KIRREL3: variants seen among roughly 807,000 people sequenced by gnomAD.
KIRREL3 encodes the protein kin of IRRE-like protein 3.
In KIRREL3, 36 loss-of-function variants were observed where a neutral mutation model predicts 89.7. That is an observed-to-expected ratio of 0.40 (90% confidence interval 0.31 to 0.53). The LOEUF (loss-of-function observed/expected upper bound fraction) is 0.53. Ranked by LOEUF, KIRREL3 falls within the 20% of genes least tolerant of loss-of-function variation. The pLI is 0.49. For synonymous variants in KIRREL3, 445 were observed against 441.4 expected (o/e 1.01, Z -0.10); for missense variants, 864 against 1,056.6 (o/e 0.82, Z 2.53).
intron 1 of KIRREL3, among the ~76,000 whole-genome samples, chr11:126,743,459 G>A (rs1165565739): frequency 6.6e-6 from 1 of 152,230 alleles, no homozygotes; most frequent in African/African-American, 2.4e-5. Flanking sequence ...TTTACTGCAT[G>A]TCTAGGAGAT....
intron 1 of KIRREL3, among the ~76,000 whole-genome samples, chr11:126,681,626 A>ACACC (rs751501249): frequency 2.1e-4 from 32 of 152,024 alleles, no homozygotes; most frequent in African/African-American, 7.2e-4. Flanking sequence ...ACACACACAC[A>ACACC]CCAGATCAAG....
At chr11:126,765,712 C>T (rs1029623823) in intron 1 of KIRREL3, among the ~76,000 whole-genome samples, 1 of 152,142 alleles carries the variant, frequency 6.6e-6, no homozygotes, top group Admixed American at 6.5e-5. Context: ...GAAGCAACCC[C>T]GCAACAAAGC....
chr11:126,728,398 C>T (rs751347648), intron 1 of KIRREL3, among the ~76,000 whole-genome samples: 7 of 152,146 alleles, frequency 4.6e-5, no homozygotes, highest in African/African-American at 7.2e-5. Flanking sequence ...CACCTCCCAC[C>T]GTGTTAAAGC....
rs1221829710 is a variant in KIRREL3, at chr11:126,622,907, G to A, written c.56-59995C>T. 2.6e-5 allele frequency among the ~76,000 whole-genome samples: 4 copies of A among 151,964 alleles called. No individual in the cohort carries two copies. Among genetic ancestry groups the A allele is most frequent in the African/African-American group, 9.7e-5 (4 of 41,360 alleles). On this transcript the variant is annotated intron_variant, in intron 1 of 16. Transcript: ENST00000525144. The surrounding 1 kb of genome is among the most constrained non-coding windows in gnomAD (Gnocchi z 5.2). ...TTATGAAAAGCAGATACTATCATTAGCTACATTTCATAATGAGGAAATGGA... is the reference window on the plus strand; with the variant it reads ...TTATGAAAAGCAGATACTATCATTAACTACATTTCATAATGAGGAAATGGA...
intron 1 of KIRREL3, among the ~76,000 whole-genome samples, chr11:126,660,476 C>T (rs549575731): frequency 1.1e-3 from 171 of 152,194 alleles, no homozygotes; most frequent in African/African-American, 3.8e-3. Context: ...TATTTTGGAT[C>T]GTCTGCACTG....
At position 126,970,042 on chromosome 11, in the gene KIRREL3, T is replaced by C. The variant is rs955075263; in HGVS notation, c.55+30413A>G. On this transcript the variant is annotated intron_variant, in intron 1 of 16. Transcript: ENST00000525144. The surrounding 1 kb of genome is among the most constrained non-coding windows in gnomAD (Gnocchi z 4.4). Reference sequence around the variant, plus strand: ...AAGAAAATCTGGCTAAAATTAGCCTTCTTCTACCAGTCACAGCCAAGCTGC... The same window carrying C: ...AAGAAAATCTGGCTAAAATTAGCCTCCTTCTACCAGTCACAGCCAAGCTGC... Among the ~76,000 whole-genome samples the C allele has an allele frequency of 1.3e-5, 2 of 152,208 alleles. No homozygotes were observed. The highest frequency in any genetic ancestry group is 4.8e-5 in the African/African-American group (2 of 41,446).
At chr11:126,907,594 A>G (rs2134881633) in intron 1 of KIRREL3, among the ~76,000 whole-genome samples, 1 of 152,300 alleles carries the variant, frequency 6.6e-6, no homozygotes, top group African/African-American at 2.4e-5. Flanking sequence ...CTCTTCTACC[A>G]TTTGCTCAAA....
Position 126,474,561 on chromosome 11 carries a change from G to C in KIRREL3, c.434-1095C>G, listed in dbSNP as rs374095292. Among the ~76,000 whole-genome samples the C allele has an allele frequency of 3.0e-4, 46 of 152,320 alleles. No homozygotes were observed. Among genetic ancestry groups the C allele is most frequent in the Non-Finnish European group, 5.3e-4 (36 of 68,004 alleles). Reference sequence around the variant, plus strand: ...CCTGAGCTCCTCACTCCTCCAGAGCGGCTCCAGCCCCTTCATCCCCAGAGG... The same window carrying C: ...CCTGAGCTCCTCACTCCTCCAGAGCCGCTCCAGCCCCTTCATCCCCAGAGG... On this transcript the variant is annotated intron_variant, in intron 4 of 16. Coordinates refer to ENST00000525144, the MANE Select transcript of KIRREL3 (RefSeq NM_032531.4). The surrounding 1 kb of genome is among the most constrained non-coding windows in gnomAD (Gnocchi z 6.7).
At chr11:126,907,743 C>G (rs1378667734) in intron 1 of KIRREL3, among the ~76,000 whole-genome samples, 1 of 152,128 alleles carries the variant, frequency 6.6e-6, no homozygotes, top group Non-Finnish European at 1.5e-5. Context: ...GAGATGGACA[C>G]GAAGTCAGCA....
chr11:126,638,040 C>T (rs1242043580), intron 1 of KIRREL3, among the ~76,000 whole-genome samples: 2 of 152,126 alleles, frequency 1.3e-5, no homozygotes, highest in Non-Finnish European at 2.9e-5. Context: ...CATTGGTATG[C>T]GTGTGGAACT....
rs1049017988 is a variant in KIRREL3 at position 126,795,431 on chromosome 11, G to A, written c.55+205024C>T. ...GTGACCCAGCCTGGAGTGCAGTGGC[G>A]TGATCTCTGCTCACTGCAACCTCCG... On this transcript the variant is annotated intron_variant, in intron 1 of 16. Coordinates refer to ENST00000525144, the MANE Select transcript of KIRREL3 (RefSeq NM_032531.4). The surrounding 1 kb of genome is among the most constrained non-coding windows in gnomAD (Gnocchi z 4.1). 5.9e-5 allele frequency among the ~76,000 whole-genome samples: 9 copies of A among 152,116 alleles called. No individual in the cohort carries two copies. Among genetic ancestry groups the A allele is most frequent in the East Asian group, 1.9e-4 (1 of 5,182 alleles).
chr11:126,472,122 A>T (rs1956912388), intron 5 of KIRREL3, among the ~76,000 whole-genome samples: 1 of 152,222 alleles, frequency 6.6e-6, no homozygotes, highest in Non-Finnish European at 1.5e-5. Flanking sequence ...TCAGATATAT[A>T]ATGACTGTCT....
rs992911182 is a variant in KIRREL3, at chr11:126,687,086, G to A, written c.56-124174C>T. Among the ~76,000 whole-genome samples the A allele has an allele frequency of 1.3e-5, 2 of 152,168 alleles. No individual in the cohort carries two copies. Among genetic ancestry groups the A allele is most frequent in the African/African-American group, 2.4e-5 (1 of 41,438 alleles). ...GTGGTTGGGGCCAAGACCACAACAC[G>A]TGTTCAAGGTATGTCTAAGAAGGCT... is the stretch of plus-strand genomic sequence containing the variant. On this transcript the variant is annotated intron_variant, in intron 1 of 16. Coordinates refer to ENST00000525144, the MANE Select transcript of KIRREL3 (RefSeq NM_032531.4). The surrounding 1 kb of genome is among the most constrained non-coding windows in gnomAD (Gnocchi z 4.6).
Position 126,709,609 on chromosome 11 carries a change from TTA to T in KIRREL3, c.56-146699_56-146698del, listed in dbSNP as rs1309120879. Reference sequence around the variant, plus strand: ...TCCTAATCCTGCATGACTGGTGTCCTTATAAAAAGAGAAAATTTGGACACAGA... The same window carrying T: ...TCCTAATCCTGCATGACTGGTGTCCTTAAAAAGAGAAAATTTGGACACAGA... On this transcript the variant is annotated intron_variant, in intron 1 of 16. Transcript: ENST00000525144. The surrounding 1 kb of genome is among the most constrained non-coding windows in gnomAD (Gnocchi z 4.0). Among the ~76,000 whole-genome samples the T allele has an allele frequency of 6.6e-6, 1 of 152,098 alleles. No individual in the cohort carries two copies. Among genetic ancestry groups the T allele is most frequent in the African/African-American group, 2.4e-5 (1 of 41,398 alleles).
chr11:126,608,030 GCTGT>G lies in KIRREL3; in HGVS notation c.56-45122_56-45119del, dbSNP rs1214287228. 2.0e-5 allele frequency among the ~76,000 whole-genome samples: 3 copies of G among 152,200 alleles called. No individual in the cohort carries two copies. The highest frequency in any genetic ancestry group is 7.2e-5 in the African/African-American group (3 of 41,456). ...TCTCATCATCTCCCGTGCCTGCCGT[GCTGT>G]CTCTTACCAACCCAGGAGGGAGGGT... On this transcript the variant is annotated intron_variant, in intron 1 of 16. Transcript: ENST00000525144. The surrounding 1 kb of genome is among the most constrained non-coding windows in gnomAD (Gnocchi z 4.9).
intron 1 of KIRREL3, among the ~76,000 whole-genome samples, chr11:126,714,077 A>G (rs2134153081): frequency 6.6e-6 from 1 of 152,172 alleles, no homozygotes; most frequent in Non-Finnish European, 1.5e-5. Context: ...GGGGAAAGGG[A>G]GGTGCCCAGG....
chr11:126,611,684 C>A lies in KIRREL3; in HGVS notation c.56-48772G>T, dbSNP rs1010625742. On this transcript the variant is annotated intron_variant, in intron 1 of 16. Coordinates refer to ENST00000525144, the MANE Select transcript of KIRREL3 (RefSeq NM_032531.4). The surrounding 1 kb of genome is among the most constrained non-coding windows in gnomAD (Gnocchi z 4.7). ...ATGGCTGCTCTCTGGGCTGCACGCA[C>A]GTTGGGTTCACTGATCGCAGAGTCT... is the stretch of plus-strand genomic sequence containing the variant. Among the ~76,000 whole-genome samples the A allele has an allele frequency of 1.3e-5, 2 of 152,148 alleles. No homozygotes were observed. The highest frequency in any genetic ancestry group is 4.8e-5 in the African/African-American group (2 of 41,428).
Position 126,528,081 on chromosome 11 carries a change from G to T in KIRREL3, c.134-1394C>A, listed in dbSNP as rs994324616. 6.6e-6 allele frequency among the ~76,000 whole-genome samples: 1 copy of T among 152,200 alleles called. No individual in the cohort carries two copies. The highest frequency in any genetic ancestry group is 1.5e-5 in the Non-Finnish European group (1 of 68,038). ...GGCACAGTAACCTGCCCAAGGTCAC[G>T]CAGCTAATGAGTGTTAGAGCAGGGG... On this transcript the variant is annotated intron_variant, in intron 2 of 16. Coordinates refer to ENST00000525144, the MANE Select transcript of KIRREL3 (RefSeq NM_032531.4). The surrounding 1 kb of genome is among the most constrained non-coding windows in gnomAD (Gnocchi z 4.6).
chr11:126,510,141 G>A (rs1958168357), intron 4 of KIRREL3, among the ~76,000 whole-genome samples: 1 of 152,124 alleles, frequency 6.6e-6, no homozygotes, highest in Non-Finnish European at 1.5e-5. Flanking sequence ...ACTGCTCTGG[G>A]GACAGCTGGA....
Sources: gnomAD v4.1 joint callset for allele counts (sites outside exome capture counted in the v4.1 genomes callset) on GRCh38, gnomAD v4.1.1 for gene constraint, Gnocchi (gnomAD v3.1) non-coding constraint, MANE v1.5 for transcripts, NCBI Gene and HGNC (gene_info 2026-07-23, HGNC 2026-07-21) for gene names.